PTPRD: variants seen among roughly 807,000 people sequenced by gnomAD.
PTPRD encodes the protein receptor-type tyrosine-protein phosphatase delta.
Under a neutral mutation model 214.5 loss-of-function variants are expected in PTPRD, and 34 were observed. The ratio of observed to expected loss-of-function variants is 0.16; its 90% CI spans 0.12 to 0.21. The LOEUF is 0.21. Among genes scored for constraint, PTPRD ranks in the 10% least tolerant of loss-of-function variants. PTPRD has a pLI of 1.00. For synonymous variants in PTPRD, 1,128 were observed against 845.7 expected, an observed-to-expected ratio of 1.33 and a Z score of -5.79; for missense variants, 2,545 against 2,398.7, an observed-to-expected ratio of 1.06 and a Z score of -1.27.
chr9:9,050,459 A>G (rs2099682696), intron 10 of PTPRD, among the ~76,000 whole-genome samples: 2 of 152,194 alleles, frequency 1.3e-5, no homozygotes, highest in Admixed American at 1.3e-4. Context: ...CTACATGCCA[A>G]GTATAAAAAC....
chr9:9,038,376 C>A lies in PTPRD; in HGVS notation c.-142-19641G>T, dbSNP rs186879750. Among the ~76,000 whole-genome samples, 24 of 152,098 alleles carry A rather than the reference C, an allele frequency of 1.6e-4. 1 individual carries two copies. Among genetic ancestry groups the A allele is most frequent in the Admixed American group, 1.4e-3 (22 of 15,272 alleles). ...TCATTTTACTTTCTTCAGCAAAATTCCCCCCACTTCGCTGTACTTCTAAAC... is the reference window on the plus strand; with the variant it reads ...TCATTTTACTTTCTTCAGCAAAATTACCCCCACTTCGCTGTACTTCTAAAC... On this transcript the variant is annotated intron_variant, in intron 10 of 45. Transcript: ENST00000381196.
At chr9:8,677,018 A>T (rs1351021678) in intron 12 of PTPRD, among the ~76,000 whole-genome samples, 1 of 152,234 alleles carries the variant, frequency 6.6e-6, no homozygotes, top group Non-Finnish European at 1.5e-5. Context: ...TCATTTAGTT[A>T]TAAAAAGCCA....
intron 9 of PTPRD, among the ~76,000 whole-genome samples, chr9:9,196,043 G>T (rs1418174910): frequency 6.6e-6 from 1 of 152,088 alleles, no homozygotes; most frequent in African/African-American, 2.4e-5. Flanking sequence ...ATAAAGATGG[G>T]GAGGCCAAGA....
At chr9:9,364,482 T>C (rs919721574) in intron 9 of PTPRD, among the ~76,000 whole-genome samples, 7 of 151,304 alleles carry the variant, frequency 4.6e-5, no homozygotes, top group African/African-American at 1.5e-4. Context: ...TATTAGAAGG[T>C]GATATTTGAG....
intron 5 of PTPRD, among the ~76,000 whole-genome samples, chr9:9,904,685 C>T (rs756143941): frequency 1.3e-5 from 2 of 151,898 alleles, no homozygotes; most frequent in Non-Finnish European, 2.9e-5. Context: ...ATTAGATAAA[C>T]ATAAGGCAAA....
intron 10 of PTPRD, among the ~76,000 whole-genome samples, chr9:9,145,246 A>G (rs1474178164): frequency 1.3e-5 from 2 of 152,294 alleles, no homozygotes; most frequent in Middle Eastern, 3.4e-3. Context: ...TATGTGTACT[A>G]TTAAATATTA....
At chr9:8,351,619 T>A (rs900099891) in intron 39 of PTPRD, among the ~76,000 whole-genome samples, 1 of 151,802 alleles carries the variant, frequency 6.6e-6, no homozygotes, top group South Asian at 2.1e-4. Flanking sequence ...GTCTGGGTGA[T>A]GTTGGCAGCT....
At chr9:8,784,604 G>A (rs890874537) in intron 11 of PTPRD, among the ~76,000 whole-genome samples, 5 of 151,836 alleles carry the variant, frequency 3.3e-5, no homozygotes, top group South Asian at 2.1e-4. Flanking sequence ...TTTCCAATTC[G>A]GCAAAACTTT....
chr9:9,177,094 G>C (rs913565157), intron 10 of PTPRD, among the ~76,000 whole-genome samples: 5 of 152,130 alleles, frequency 3.3e-5, no homozygotes, highest in African/African-American at 4.8e-5. Context: ...TTGACTCACA[G>C]TTTAGCATGG....
chr9:10,005,431 C>G (rs1406197203), intron 4 of PTPRD, among the ~76,000 whole-genome samples: 2 of 152,110 alleles, frequency 1.3e-5, no homozygotes, highest in Admixed American at 6.6e-5. Context: ...AGCTCCCTCT[C>G]TCCTTGGCAG....
intron 33 of PTPRD, among the ~76,000 whole-genome samples, chr9:8,458,231 A>G (rs2096272270): frequency 6.6e-6 from 1 of 152,160 alleles, no homozygotes; most frequent in South Asian, 2.1e-4. Flanking sequence ...ATTAGGAAAA[A>G]TTATAAGTGA....
chr9:9,831,912 G>A (rs943577827), intron 5 of PTPRD, among the ~76,000 whole-genome samples: 3 of 151,860 alleles, frequency 2.0e-5, no homozygotes, highest in Admixed American at 1.3e-4. Flanking sequence ...TTTCTTGGCT[G>A]GTTGGCAAAA....
chr9:10,255,198 AGG>A (rs1430543130), intron 3 of PTPRD, among the ~76,000 whole-genome samples: 4 of 152,148 alleles, frequency 2.6e-5, no homozygotes, highest in African/African-American at 9.7e-5. Context: ...TTGCTTAAGG[AGG>A]GGGATACATT....
At chr9:10,576,690 G>A (rs1360462599) in intron 2 of PTPRD, among the ~76,000 whole-genome samples, 1 of 152,098 alleles carries the variant, frequency 6.6e-6, no homozygotes, top group African/African-American at 2.4e-5. Context: ...TAGAACCAGT[G>A]TCACAGTAAA....
In PTPRD at chr9:8,526,023, G is replaced by A. The variant is rs1017209928; in HGVS notation, c.568+604C>T. Among the ~76,000 whole-genome samples, 11 of 152,174 alleles carry A rather than the reference G, an allele frequency of 7.2e-5. No homozygotes were observed. In the East Asian group the frequency reaches 1.4e-3, roughly 19 times the overall value. On this transcript the variant is annotated intron_variant, in intron 17 of 45. Coordinates refer to ENST00000381196, the MANE Select transcript of PTPRD (RefSeq NM_002839.4). ...AAAGCATTGCTGTCAGATTGTAGACGAGTGGGATCAGGTGGAAAGGGGAGT... is the reference window on the plus strand; with the variant it reads ...AAAGCATTGCTGTCAGATTGTAGACAAGTGGGATCAGGTGGAAAGGGGAGT...
chr9:9,527,833 A>T (rs1353117113), intron 8 of PTPRD, among the ~76,000 whole-genome samples: 1 of 152,154 alleles, frequency 6.6e-6, no homozygotes, highest in Non-Finnish European at 1.5e-5. Context: ...TAGATATTCT[A>T]CCAACTCCGT....
intron 5 of PTPRD, among the ~76,000 whole-genome samples, chr9:9,834,387 G>T (rs1179786712): frequency 6.6e-6 from 1 of 152,004 alleles, no homozygotes; most frequent in Non-Finnish European, 1.5e-5. Context: ...ATTGACATTA[G>T]CATTAACTGT....
chr9:9,399,404 C>A (rs1485902918), intron 8 of PTPRD, among the ~76,000 whole-genome samples: 1 of 151,954 alleles, frequency 6.6e-6, no homozygotes, highest in African/African-American at 2.4e-5. Flanking sequence ...CACACAATTA[C>A]AATTTTTCTC....
chr9:9,086,060 G>C (rs1370642155), intron 10 of PTPRD, among the ~76,000 whole-genome samples: 1 of 152,124 alleles, frequency 6.6e-6, no homozygotes, highest in Non-Finnish European at 1.5e-5. Flanking sequence ...AATTTTCAAG[G>C]TGATTCTGTT....
Sources: gnomAD v4.1 joint callset for allele counts (sites outside exome capture counted in the v4.1 genomes callset) on GRCh38, gnomAD v4.1.1 for gene constraint, MANE v1.5 for transcripts, NCBI Gene and HGNC (gene_info 2026-07-23, HGNC 2026-07-21) for gene names.